The following AGTPBP1 variants were observed in gnomAD, a reference collection of about 807,000 sequenced individuals.
The protein encoded by AGTPBP1 is ATP/GTP binding carboxypeptidase 1.
In AGTPBP1, 70 loss-of-function variants were observed where a neutral mutation model predicts 143.9. The observed-to-expected ratio is 0.49, with a 90% confidence interval of 0.40 to 0.59. The LOEUF (loss-of-function observed/expected upper bound fraction) is 0.59. Among genes scored for constraint, AGTPBP1 ranks in the 20% least tolerant of loss-of-function variants. The pLI, the probability that AGTPBP1 is intolerant of heterozygous loss-of-function variation, is 0.00. For synonymous variants in AGTPBP1, 463 were observed against 500.2 expected (o/e 0.93, Z 0.99); for missense variants, 1,229 against 1,464.5 (o/e 0.84, Z 2.62).
At chr9:85,563,789 G>A (rs1412724495) in intron 25 of AGTPBP1, among the ~76,000 whole-genome samples, 1 of 152,210 alleles carries the variant, frequency 6.6e-6, no homozygotes, top group African/African-American at 2.4e-5. Flanking sequence ...GATCATCAGA[G>A]TGGTTTCAAA....
At chr9:85,603,549 T>G (rs749004064) in intron 17 of AGTPBP1, among the ~76,000 whole-genome samples, 1 of 152,154 alleles carries the variant, frequency 6.6e-6, no homozygotes, top group Non-Finnish European at 1.5e-5. Flanking sequence ...GGGTGAGACA[T>G]AGAGCCATGC....
At chr9:85,624,199 T>C (rs1831127743) in intron 14 of AGTPBP1, among the ~76,000 whole-genome samples, 1 of 152,194 alleles carries the variant, frequency 6.6e-6, no homozygotes, top group African/African-American at 2.4e-5. Context: ...TTCCATATTA[T>C]CTGTATCTGC....
chr9:85,602,954 G>A (rs1006630265), intron 17 of AGTPBP1, among the ~76,000 whole-genome samples: 1 of 152,150 alleles, frequency 6.6e-6, no homozygotes, highest in African/African-American at 2.4e-5. Flanking sequence ...GTTCACGAAG[G>A]GAGTATTTAG....
intron 9 of AGTPBP1, among the ~76,000 whole-genome samples, chr9:85,659,994 T>C (rs897812712): frequency 6.6e-6 from 1 of 152,116 alleles, no homozygotes; most frequent in Admixed American, 6.6e-5. Flanking sequence ...GAGAATTCTA[T>C]TATTTACTAC....
chr9:85,694,678 G>A (rs1281561853), intron 2 of AGTPBP1, among the ~76,000 whole-genome samples: 2 of 152,004 alleles, frequency 1.3e-5, no homozygotes, highest in African/African-American at 4.8e-5. Flanking sequence ...CAACAGCTCT[G>A]TCCCAGCCCA....
chr9:85,716,457 C>T (rs542858363), intron 1 of AGTPBP1, among the ~76,000 whole-genome samples: 2 of 152,284 alleles, frequency 1.3e-5, no homozygotes, highest in Middle Eastern at 3.4e-3. Context: ...ATATGCAAAA[C>T]GGATCTGACC....
At chr9:85,602,324 G>A (rs1219679521) in intron 17 of AGTPBP1, among the ~76,000 whole-genome samples, 2 of 151,916 alleles carry the variant, frequency 1.3e-5, no homozygotes, top group Non-Finnish European at 2.9e-5. Flanking sequence ...AACAAATACT[G>A]GAACTGAAGA....
chr9:85,754,165 G>A, the AGTPBP1 span, among the ~76,000 whole-genome samples: 1 of 152,256 alleles, frequency 6.6e-6, no homozygotes, highest in East Asian at 1.9e-4. Flanking sequence ...TCACTGGACT[G>A]TATTTATTCC....
the AGTPBP1 span, among the ~76,000 whole-genome samples, chr9:85,783,300 A>G: frequency 0.012 from 1,782 of 152,274 alleles, 19 homozygotes; most frequent in African/African-American, 0.039. Context: ...CATTTAAAAT[A>G]CTTCTATTTT....
the AGTPBP1 span, among the ~76,000 whole-genome samples, chr9:85,759,273 A>G: frequency 6.6e-6 from 1 of 152,188 alleles, no homozygotes; most frequent in Admixed American, 6.5e-5. Flanking sequence ...AAGCAGACCT[A>G]ATAGACATCT....
chr9:85,688,028 T>C (rs1835597851), intron 3 of AGTPBP1, among the ~76,000 whole-genome samples: 1 of 135,374 alleles, frequency 7.4e-6, no homozygotes, highest in Non-Finnish European at 1.5e-5. Context: ...AGGCAGAGGT[T>C]GCAGTGAGCC....
chr9:85,616,448 T>C (rs767903431), intron 17 of AGTPBP1, among the ~76,000 whole-genome samples: 3 of 152,032 alleles, frequency 2.0e-5, no homozygotes, highest in Non-Finnish European at 2.9e-5. Context: ...CCAAAATGTA[T>C]ACTTTTAATT....
At chr9:85,609,136 T>C (rs1830161797) in intron 17 of AGTPBP1, among the ~76,000 whole-genome samples, 4 of 152,194 alleles carry the variant, frequency 2.6e-5, no homozygotes, top group South Asian at 2.1e-4. Flanking sequence ...TATACACACA[T>C]ACATAAATAT....
upstream of AGTPBP1, among the ~76,000 whole-genome samples, chr9:85,745,498 A>G (rs1157776597): frequency 2.0e-5 from 3 of 152,246 alleles, no homozygotes; most frequent in African/African-American, 4.8e-5. Context: ...CCTTGTGTCA[A>G]ACTAAAAGGT....
intron 18 of AGTPBP1, among the ~76,000 whole-genome samples, chr9:85,595,859 A>T (rs1028109429): frequency 7.9e-5 from 12 of 152,220 alleles, no homozygotes; most frequent in African/African-American, 2.9e-4. Context: ...CTATAAGTAG[A>T]TCACATATTT....
chr9:85,659,125 A>G (rs1833706840), intron 9 of AGTPBP1, among the ~76,000 whole-genome samples: 1 of 152,200 alleles, frequency 6.6e-6, no homozygotes, highest in Non-Finnish European at 1.5e-5. Flanking sequence ...AAACTTGCCC[A>G]TAATTCAAAC....
At chr9:85,650,815 T>C (rs548678664) in intron 11 of AGTPBP1, among the ~76,000 whole-genome samples, 2 of 152,332 alleles carry the variant, frequency 1.3e-5, no homozygotes, top group Non-Finnish European at 2.9e-5. Flanking sequence ...CAAATGATTA[T>C]AGTTTTGTCG....
At chr9:85,560,086 A>G (rs1298759457) in intron 25 of AGTPBP1, among the ~76,000 whole-genome samples, 1 of 152,218 alleles carries the variant, frequency 6.6e-6, no homozygotes, top group Non-Finnish European at 1.5e-5. Flanking sequence ...GCCCACCAGT[A>G]TCAAAAGCAA....
the AGTPBP1 span, among the ~76,000 whole-genome samples, chr9:85,781,601 CT>C: frequency 1.3e-5 from 2 of 152,174 alleles, no homozygotes; most frequent in African/African-American, 4.8e-5. Context: ...GTGCCAGGGG[CT>C]TGTAGACCTT....
Sources: gnomAD v4.1 joint callset for allele counts (sites outside exome capture counted in the v4.1 genomes callset) on GRCh38, gnomAD v4.1.1 for gene constraint, MANE v1.5 for transcripts, NCBI Gene and HGNC (gene_info 2026-07-23, HGNC 2026-07-21) for gene names.